Variants in ST3GAL6 observed in about 807,000 individuals in gnomAD.
ST3GAL6 encodes the protein ST3 beta-galactoside alpha-2,3-sialyltransferase 6, also known as type 2 lactosamine alpha-2,3-sialyltransferase.
Under a neutral mutation model 40.5 loss-of-function variants are expected in ST3GAL6, and 31 were observed. The ratio of observed to expected loss-of-function variants is 0.77; its 90% CI spans 0.58 to 1.03. ST3GAL6 has a LOEUF of 1.03. ST3GAL6 is among the 50% of genes least tolerant of loss of function. The probability of loss-of-function intolerance (pLI) is 0.00; values close to 1 mark genes in which losing one functional copy is unlikely to be tolerated. For synonymous variants in ST3GAL6, 129 were observed against 136.9 expected (o/e 0.94, Z 0.40); for missense variants, 357 against 393.2 (o/e 0.91, Z 0.78).
At chr3:98,741,952 G>A (rs1029223366) in intron 1 of ST3GAL6, among the ~76,000 whole-genome samples, 3 of 152,096 alleles carry the variant, frequency 2.0e-5, no homozygotes, top group Admixed American at 1.3e-4. Flanking sequence ...GGGATTTGAC[G>A]GGATTGAGAC....
chr3:98,786,532 A>G (rs9883516), intron 6 of ST3GAL6, among the ~76,000 whole-genome samples: 57,027 of 151,946 alleles, frequency 0.38, 10,785 homozygotes, highest in African/African-American at 0.4. Flanking sequence ...ATGTGGCAAG[A>G]AGCCCGGCTG....
At chr3:98,782,372 A>C in intron 5 of ST3GAL6, 1 of 691,188 alleles carries the variant, frequency 1.4e-6, no homozygotes, top group Non-Finnish European at 2.6e-6. Context: ...CAGCAATATG[A>C]TGCCCTTGGA....
intron 9 of ST3GAL6, among the ~76,000 whole-genome samples, chr3:98,792,957 A>T (rs1941334491): frequency 6.6e-6 from 1 of 152,240 alleles, no homozygotes; most frequent in Admixed American, 6.5e-5. Context: ...GATAAAAAGT[A>T]TATGGATATA....
intron 8 of ST3GAL6, among the ~76,000 whole-genome samples, chr3:98,789,218 T>G (rs780599058): frequency 2.0e-5 from 3 of 152,202 alleles, no homozygotes; most frequent in Non-Finnish European, 4.4e-5. Flanking sequence ...CATCATGTAT[T>G]TTCATGATGT....
intron 1 of ST3GAL6, among the ~76,000 whole-genome samples, chr3:98,748,250 T>C (rs1374232407): frequency 6.6e-6 from 1 of 152,224 alleles, no homozygotes; most frequent in Non-Finnish European, 1.5e-5. Context: ...GGCAGCAAAC[T>C]GCCTAAGAGC....
intron 1 of ST3GAL6, among the ~76,000 whole-genome samples, chr3:98,766,656 C>G (rs781671190): frequency 6.6e-6 from 1 of 152,058 alleles, no homozygotes; most frequent in East Asian, 1.9e-4. Context: ...CTCCTGACCT[C>G]GTGATCCACC....
At chr3:98,754,785 A>G (rs1937295159) in intron 1 of ST3GAL6, among the ~76,000 whole-genome samples, 1 of 152,264 alleles carries the variant, frequency 6.6e-6, no homozygotes, top group African/African-American at 2.4e-5. Context: ...ATCCACTAGC[A>G]AAAAGATTAT....
At chr3:98,780,795 T>C (rs1325694980) in intron 5 of ST3GAL6, among the ~76,000 whole-genome samples, 1 of 152,168 alleles carries the variant, frequency 6.6e-6, no homozygotes, top group Non-Finnish European at 1.5e-5. Context: ...ATGATACTCT[T>C]TGGGCCACGC....
chr3:98,733,578 G>A (rs769524133), intron 1 of ST3GAL6: 68 of 985,400 alleles, frequency 6.9e-5, no homozygotes, highest in Non-Finnish European at 8.0e-5. Context: ...GGCAGTTTAG[G>A]AGAAAGGAGG....
upstream of ST3GAL6, among the ~76,000 whole-genome samples, chr3:98,759,132 T>C (rs1396512370): frequency 1.3e-5 from 2 of 152,192 alleles, no homozygotes; most frequent in Non-Finnish European, 2.9e-5. Context: ...AGTGACAAGA[T>C]GAGAGCTGCA....
At chr3:98,785,265 C>A (rs1164033239) in intron 6 of ST3GAL6, among the ~76,000 whole-genome samples, 1 of 151,998 alleles carries the variant, frequency 6.6e-6, no homozygotes, top group Non-Finnish European at 1.5e-5. Context: ...TGCTTCTAGC[C>A]ACAGGAGAGA....
Position 98,773,937 on chromosome 3 carries a change from G to A in ST3GAL6, c.289G>A (p.Ala97Thr). Residue 97 changes from alanine to threonine, a missense_variant, in exon 5 of 10, where the codon GCT (alanine) becomes ACT (threonine). Physicochemically the swap from Ala to Thr is moderately conservative, Grantham distance 58 (BLOSUM62 0). Coordinates refer to ENST00000483910, the MANE Select transcript of ST3GAL6 (RefSeq NM_001323368.2). Reference protein sequence around the residue: ...MRTSAEYFRLALSKLQSCDLF... With the variant: ...MRTSAEYFRLTLSKLQSCDLF... ...TTTTCTAGCGGAATATTTTCGACTTGCTCTTTCAAAACTGCAGAGTTGTGA... is the reference window on the plus strand; with the variant it reads ...TTTTCTAGCGGAATATTTTCGACTTACTCTTTCAAAACTGCAGAGTTGTGA... 5 of 1,613,212 alleles carry A rather than the reference G, an allele frequency of 3.1e-6. No homozygotes were observed. Among genetic ancestry groups the A allele is most frequent in the Non-Finnish European group, 4.2e-6 (5 of 1,179,366 alleles).
chr3:98,778,613 T>G (rs1340116835), intron 5 of ST3GAL6, among the ~76,000 whole-genome samples: 1 of 152,210 alleles, frequency 6.6e-6, no homozygotes, highest in Non-Finnish European at 1.5e-5. Flanking sequence ...TATAGAAGTC[T>G]CAGTACTTTT....
At chr3:98,772,654 G>A (rs758847629) in intron 3 of ST3GAL6, among the ~76,000 whole-genome samples, 159 bp from the exon 4 acceptor site, 3 of 151,718 alleles carry the variant, frequency 2.0e-5, no homozygotes, top group Non-Finnish European at 4.4e-5. Flanking sequence ...ATTTCAGCAC[G>A]GTTTAAAGTT....
upstream of ST3GAL6, among the ~76,000 whole-genome samples, chr3:98,760,626 C>T (rs1237427314): frequency 1.3e-5 from 2 of 152,002 alleles, no homozygotes; most frequent in Non-Finnish European, 2.9e-5. Flanking sequence ...TTTTTTTAAA[C>T]TGAGATAAGC....
chr3:98,752,396 A>G lies in ST3GAL6; in HGVS notation c.-11-16034A>G, dbSNP rs143397291. 1.5e-3 allele frequency among the ~76,000 whole-genome samples: 224 copies of G among 152,020 alleles called. 1 individual carries two copies. Among genetic ancestry groups the G allele is most frequent in the East Asian group, 0.013 (68 of 5,194 alleles). On this transcript the variant is annotated intron_variant, in intron 1 of 9. Coordinates refer to the ST3GAL6 transcript ENST00000265261. ...TATTTCAGATTTTTTCATTATTATT[A>G]TATCTGTTATGGTGATCTATGATCA...
chr3:98,732,860 C>T, intron 1 of ST3GAL6: 3 of 1,512,014 alleles, frequency 2.0e-6, no homozygotes, highest in Non-Finnish European at 2.6e-6. Flanking sequence ...GCTTCTGCGG[C>T]CCGATGTGGC....
At chr3:98,759,726 C>T (rs1481019437), upstream of ST3GAL6, among the ~76,000 whole-genome samples, 2 of 151,920 alleles carry the variant, frequency 1.3e-5, no homozygotes, top group Non-Finnish European at 2.9e-5. Context: ...ATCTGTAATT[C>T]TTGGGTTCAA....
upstream of ST3GAL6, chr3:98,762,541 C>G (rs1937905308): frequency 1.2e-5 from 2 of 168,860 alleles, no homozygotes; most frequent in Admixed American, 6.5e-5. Context: ...AGCAGAAAAT[C>G]CCATCAACCA....
Sources: allele counts gnomAD v4.1 joint callset (sites outside exome capture counted in the v4.1 genomes callset), GRCh38; gene constraint gnomAD v4.1.1; transcripts MANE v1.5; gene names NCBI Gene and HGNC (gene_info 2026-07-23, HGNC 2026-07-21).